KCNIP4: variants seen among roughly 807,000 people sequenced by gnomAD.
KCNIP4 encodes potassium voltage-gated channel interacting protein 4.
Under a neutral mutation model 34.0 loss-of-function variants are expected in KCNIP4, and 12 were observed. That is an observed-to-expected ratio of 0.35 (90% confidence interval 0.23 to 0.57). KCNIP4 has a LOEUF of 0.57. Among genes scored for constraint, KCNIP4 ranks in the 20% least tolerant of loss-of-function variants. The probability of loss-of-function intolerance (pLI) is 0.83; values close to 1 mark genes in which losing one functional copy is unlikely to be tolerated. For missense variants in KCNIP4, 238 were observed against 311.7 expected (o/e 0.76, Z 1.78); for synonymous variants, 124 against 102.2 (o/e 1.21, Z -1.29).
At chr4:21,087,686 C>T (rs535122766) in intron 1 of KCNIP4, among the ~76,000 whole-genome samples, 4 of 152,290 alleles carry the variant, frequency 2.6e-5, no homozygotes, top group Admixed American at 1.3e-4. Flanking sequence ...ACAATTCCAA[C>T]ACAACCAGGT....
At chr4:21,430,471 A>C (rs928643654) in intron 1 of KCNIP4, among the ~76,000 whole-genome samples, 1 of 152,100 alleles carries the variant, frequency 6.6e-6, no homozygotes, top group Non-Finnish European at 1.5e-5. Flanking sequence ...ACCCGCTATC[A>C]ACATAGTACA....
intron 1 of KCNIP4, chr4:21,697,363 A>G: frequency 6.6e-7 from 1 of 1,524,870 alleles, no homozygotes. Context: ...TATGAAGAGA[A>G]CCTGTTAATA....
At chr4:21,008,159 A>G (rs1288031344) in intron 1 of KCNIP4, among the ~76,000 whole-genome samples, 1 of 152,242 alleles carries the variant, frequency 6.6e-6, no homozygotes, top group Non-Finnish European at 1.5e-5. Context: ...CCAGCTCAAA[A>G]ACAAACAAGC....
chr4:20,734,246 A>G (rs936677219), intron 6 of KCNIP4, among the ~76,000 whole-genome samples: 1 of 152,194 alleles, frequency 6.6e-6, no homozygotes, highest in Non-Finnish European at 1.5e-5. Context: ...TCATTCCACA[A>G]TCCCCATGAT....
intron 1 of KCNIP4, among the ~76,000 whole-genome samples, chr4:21,902,827 G>A (rs1006275045): frequency 8.5e-5 from 13 of 152,136 alleles, no homozygotes; most frequent in African/African-American, 3.1e-4. Context: ...CTTCATAGAA[G>A]CGGGACTGCT....
intron 3 of KCNIP4, among the ~76,000 whole-genome samples, chr4:20,808,793 A>C (rs1715387115): frequency 6.6e-6 from 1 of 152,204 alleles, no homozygotes; most frequent in African/African-American, 2.4e-5. Context: ...GAAATTAATT[A>C]AGATGAACTA....
intron 1 of KCNIP4, among the ~76,000 whole-genome samples, chr4:21,141,256 A>G (rs1045324656): frequency 6.6e-6 from 1 of 152,200 alleles, no homozygotes; most frequent in Non-Finnish European, 1.5e-5. Context: ...GACTCGTTCA[A>G]TGCAGGGTTG....
intron 1 of KCNIP4, among the ~76,000 whole-genome samples, chr4:21,372,266 T>C (rs1385132932): frequency 3.4e-5 from 5 of 147,124 alleles, no homozygotes; most frequent in Non-Finnish European, 5.9e-5. Context: ...TTATAATTTA[T>C]CTGAAAATTC....
At chr4:21,470,586 T>A (rs948253829) in intron 1 of KCNIP4, among the ~76,000 whole-genome samples, 3 of 152,206 alleles carry the variant, frequency 2.0e-5, no homozygotes, top group Non-Finnish European at 4.4e-5. Context: ...TCTGCACTTC[T>A]CTATGCTTTA....
At position 20,978,685 on chromosome 4, in the gene KCNIP4, T is replaced by C. The variant is rs112649178; in HGVS notation, c.62-95976A>G. On this transcript the variant is annotated intron_variant, in intron 1 of 8. Transcript: ENST00000382152. ...AGAGGTCACCTCCACCATGGAGTCA[T>C]CTCTGATTGCTTTCATCTCCTCTAC... Among the ~76,000 whole-genome samples, 11 of 152,330 alleles carry C rather than the reference T, an allele frequency of 7.2e-5. 2 individuals are homozygous for C. The highest frequency in any genetic ancestry group is 2.6e-4 in the African/African-American group (11 of 41,592).
At chr4:21,130,390 G>A (rs143240182) in intron 1 of KCNIP4, among the ~76,000 whole-genome samples, 297 of 152,228 alleles carry the variant, frequency 2.0e-3, no homozygotes, top group Non-Finnish European at 3.2e-3. Context: ...TTTATCCTCT[G>A]TGTAATTCCT....
intron 1 of KCNIP4, chr4:21,697,469 C>T (rs886636503): frequency 1.3e-6 from 2 of 1,532,272 alleles, no homozygotes; most frequent in Non-Finnish European, 1.7e-6. Flanking sequence ...CTGAGGAGAG[C>T]CAGAAGTCTT....
chr4:20,797,357 A>G (rs7698847), intron 3 of KCNIP4, among the ~76,000 whole-genome samples: 1,575 of 152,298 alleles, frequency 0.01, 33 homozygotes, highest in African/African-American at 0.036. Flanking sequence ...TTCAGAGAGA[A>G]TAATAGTACA....
chr4:20,795,244 ATCT>A (rs1347507568), intron 3 of KCNIP4, among the ~76,000 whole-genome samples: 4 of 152,128 alleles, frequency 2.6e-5, no homozygotes, highest in Admixed American at 6.6e-5. Context: ...TAGAAGCAAG[ATCT>A]TCTTAGGTAT....
At chr4:20,912,397 A>G (rs1443863525) in intron 1 of KCNIP4, among the ~76,000 whole-genome samples, 1 of 152,182 alleles carries the variant, frequency 6.6e-6, no homozygotes, top group African/African-American at 2.4e-5. Context: ...CTTGCAATGA[A>G]TAATTCAAAA....
intron 1 of KCNIP4, among the ~76,000 whole-genome samples, chr4:21,750,288 T>G (rs1577937696): frequency 6.6e-6 from 1 of 152,136 alleles, no homozygotes; most frequent in African/African-American, 2.4e-5. Flanking sequence ...ATTTCAAACA[T>G]GCCAAAAAGA....
intron 1 of KCNIP4, among the ~76,000 whole-genome samples, chr4:21,604,040 G>A (rs982920125): frequency 6.6e-6 from 1 of 151,906 alleles, no homozygotes; most frequent in Non-Finnish European, 1.5e-5. Flanking sequence ...TTCATTCGTC[G>A]ATTATAAATT....
intron 1 of KCNIP4, among the ~76,000 whole-genome samples, chr4:21,574,135 A>G (rs1740560872): frequency 6.6e-6 from 1 of 152,056 alleles, no homozygotes; most frequent in Non-Finnish European, 1.5e-5. Context: ...ATGGGCAGAA[A>G]TTTTCTTGTT....
At chr4:21,814,745 C>T (rs1721890491) in intron 1 of KCNIP4, among the ~76,000 whole-genome samples, 1 of 152,164 alleles carries the variant, frequency 6.6e-6, no homozygotes, top group Non-Finnish European at 1.5e-5. Flanking sequence ...AATGCCCAAG[C>T]TTCAAAAGTC....
Sources: allele counts gnomAD v4.1 joint callset (sites outside exome capture counted in the v4.1 genomes callset), GRCh38; gene constraint gnomAD v4.1.1; transcripts MANE v1.5; gene names NCBI Gene and HGNC (gene_info 2026-07-23, HGNC 2026-07-21).